TEX10: variants seen among roughly 807,000 people sequenced by gnomAD.
The protein encoded by TEX10 is testis expressed 10.
Under a neutral mutation model 104.4 loss-of-function variants are expected in TEX10, and 24 were observed. The observed-to-expected ratio is 0.23, with a 90% CI of 0.17 to 0.32. The LOEUF (loss-of-function observed/expected upper bound fraction) is 0.32. Ranked by LOEUF, TEX10 falls within the 10% of genes least tolerant of loss-of-function variation. The pLI is 1.00. For missense variants in TEX10, 921 were observed against 1,083.9 expected (o/e 0.85, Z 2.11); for synonymous variants, 396 against 393.4 (o/e 1.01, Z -0.08).
chr9:100,345,444 T>C (rs995698174), intron 4 of TEX10, among the ~76,000 whole-genome samples: 7 of 152,246 alleles, frequency 4.6e-5, no homozygotes, highest in Admixed American at 4.6e-4. Context: ...TCAAAAGTCC[T>C]TACAGCAATT....
chr9:100,343,317 A>G (rs1323677140), intron 4 of TEX10, among the ~76,000 whole-genome samples: 1 of 144,248 alleles, frequency 6.9e-6, no homozygotes, highest in Non-Finnish European at 1.5e-5. Context: ...TTAAAATAAA[A>G]AAGATAGGTA....
Position 100,349,278 on chromosome 9 carries a change from G to A in TEX10, c.86C>T (p.Thr29Ile), listed in dbSNP as rs1431251787. ...GKKKPKLQNA[T>I]PTNFKTKTIH... Reference sequence around the variant, plus strand: ...AGTCTTTGTTTTAAAGTTTGTAGGAGTAGCATTTTGTAACTTGGGCTTCTT... The same window carrying A: ...AGTCTTTGTTTTAAAGTTTGTAGGAATAGCATTTTGTAACTTGGGCTTCTT... Residue 29 changes from threonine to isoleucine, a missense_variant, in exon 2 of 15, where the codon ACT (threonine) becomes ATT (isoleucine). By Grantham distance (89) the Thr-to-Ile change is moderately conservative. Around this residue, in one of 3 missense-constraint regions of TEX10, gnomAD observed 118 missense variants for 111.3 expected, o/e 1.06. Coordinates refer to ENST00000374902, the MANE Select transcript of TEX10 (RefSeq NM_017746.4). 2.5e-6 allele frequency: 4 copies of A among 1,607,184 alleles called. No homozygotes were observed. In the South Asian group the frequency reaches 3.4e-5, roughly 14 times the overall value.
chr9:100,320,195 T>C (rs1588171111), intron 11 of TEX10, 70 bp downstream of exon 11: 2 of 1,422,526 alleles, frequency 1.4e-6, no homozygotes, highest in East Asian at 2.5e-5. Flanking sequence ...GCAACTCATA[T>C]ATAGTAACTA....
chr9:100,346,100 G>A lies in TEX10; in HGVS notation c.1109C>T (p.Ser370Phe), dbSNP rs780548128. The change falls in exon 4 of 15, where the codon TCT becomes TTT. Residue 370 changes from serine to phenylalanine, a missense_variant. By Grantham distance (155) the Ser-to-Phe change is radical (BLOSUM62 -2). Coordinates refer to ENST00000374902, the MANE Select transcript of TEX10 (RefSeq NM_017746.4). Reference protein sequence around the residue: ...LNIISLLWKLSKQQDETHKLE... With the variant: ...LNIISLLWKLFKQQDETHKLE... ...TTTATGGGTTTCATCCTGTTGTTTA[G>A]AGAGTTTCCACAGAAGGGAAATAAT... 9.3e-6 allele frequency: 15 copies of A among 1,613,790 alleles called. No homozygotes were observed. The highest frequency in any genetic ancestry group is 1.3e-5 in the Non-Finnish European group (15 of 1,179,842).
intron 11 of TEX10, among the ~76,000 whole-genome samples, chr9:100,315,099 C>T (rs989244429): frequency 4.6e-5 from 7 of 151,988 alleles, no homozygotes; most frequent in Admixed American, 3.3e-4. Context: ...TATTTTATTC[C>T]ACTGTGGTCT....
intron 2 of TEX10, 53 bp downstream of exon 2, chr9:100,349,131 C>G (rs1835375436): frequency 7.0e-7 from 1 of 1,433,206 alleles, no homozygotes; most frequent in African/African-American, 1.4e-5. Context: ...ATATAACATT[C>G]TACACGATTC....
chr9:100,302,650 G>C (rs1273614530), intron 14 of TEX10, among the ~76,000 whole-genome samples: 1 of 152,144 alleles, frequency 6.6e-6, no homozygotes, highest in Admixed American at 6.5e-5. Context: ...TGCCAACTGA[G>C]AATAACTCTA....
At position 100,339,275 on chromosome 9, in the gene TEX10, GTATA is replaced by G. The variant is rs1281859664; in HGVS notation, c.1250+978_1250+981del. On this transcript the variant is annotated intron_variant, in intron 5 of 14. Transcript: ENST00000374902. ...AAAAAAAAAAAAAAAAAAAAAAAAA[GTATA>G]TATATATATATACATATATATATAC... is the stretch of plus-strand genomic sequence containing the variant. Among the ~76,000 whole-genome samples the G allele has an allele frequency of 1.2e-4, 9 of 72,814 alleles. No homozygotes were observed. The South Asian group carries it at 3.6e-3, about 29-fold the overall frequency. The allele number at this position is 72,814 out of a possible 152,430, so 47.8% of individuals were successfully genotyped here. A position where few individuals can be genotyped will look rare whatever the true frequency, so the allele number is the denominator to read the frequency against.
chr9:100,352,237 C>G (rs1315622035), intron 1 of TEX10, among the ~76,000 whole-genome samples: 1 of 152,184 alleles, frequency 6.6e-6, no homozygotes, highest in Non-Finnish European at 1.5e-5. Flanking sequence ...CACTGAGGGG[C>G]CAACCAGAGG....
chr9:100,306,020 G>C (rs1437757084), intron 13 of TEX10: 1 of 152,004 alleles, frequency 6.6e-6, no homozygotes, highest in African/African-American at 2.4e-5. Flanking sequence ...GAACTAACAA[G>C]AACTTTAAAG....
chr9:100,349,137 G>A (rs774621029), intron 2 of TEX10, 47 bp downstream of exon 2: 5 of 1,455,806 alleles, frequency 3.4e-6, no homozygotes, highest in Admixed American at 2.6e-5. Context: ...CATTCTACAC[G>A]ATTCCAAAGA....
intron 9 of TEX10, among the ~76,000 whole-genome samples, chr9:100,324,126 G>T (rs973974729): frequency 3.9e-5 from 6 of 152,076 alleles, no homozygotes; most frequent in Admixed American, 6.6e-5. Context: ...TCCGCCTCCT[G>T]GGTTCAAGCA....
intron 4 of TEX10, among the ~76,000 whole-genome samples, chr9:100,344,491 G>A (rs2118927844): frequency 1.4e-5 from 2 of 142,552 alleles, no homozygotes; most frequent in East Asian, 2.4e-4. Flanking sequence ...AAGTTTACTA[G>A]TGCTTATATG....
intron 5 of TEX10, 146 bp downstream of exon 5, chr9:100,340,111 T>C: frequency 2.3e-6 from 1 of 427,826 alleles, no homozygotes; most frequent in Non-Finnish European, 4.2e-6. Flanking sequence ...TGTCCAAAAA[T>C]CAGCCATATT....
intron 14 of TEX10, 89 bp downstream of exon 14, chr9:100,303,543 C>T: frequency 7.2e-7 from 1 of 1,386,324 alleles, no homozygotes; most frequent in South Asian, 1.2e-5. Flanking sequence ...GGATCCCTTT[C>T]CTCCCTCAAA....
chr9:100,350,693 A>T (rs1312637801), intron 1 of TEX10, among the ~76,000 whole-genome samples: 2 of 152,230 alleles, frequency 1.3e-5, no homozygotes, highest in African/African-American at 2.4e-5. Context: ...GTATAAAAAA[A>T]TGGGTAAAAC....
intron 4 of TEX10, 100 bp from the exon 5 acceptor site, chr9:100,340,469 C>T: frequency 1.5e-6 from 1 of 682,244 alleles, no homozygotes; most frequent in South Asian, 2.0e-5. Flanking sequence ...AATGTCCCAT[C>T]ATAATTCACT....
intron 12 of TEX10, 111 bp downstream of exon 12, chr9:100,310,188 T>C: frequency 1.1e-5 from 9 of 842,910 alleles, no homozygotes; most frequent in Non-Finnish European, 1.3e-5. Context: ...GAGACTATGA[T>C]ATCATTAATC....
intron 11 of TEX10, among the ~76,000 whole-genome samples, chr9:100,311,284 A>C (rs1834275086): frequency 6.6e-6 from 1 of 151,866 alleles, no homozygotes; most frequent in Non-Finnish European, 1.5e-5. Flanking sequence ...GGTACCAGCT[A>C]CTCAGGAGGT....
Sources: allele counts gnomAD v4.1 joint callset (sites outside exome capture counted in the v4.1 genomes callset), GRCh38; gene constraint gnomAD v4.1.1; regional missense constraint gnomAD v4.1.1; transcripts MANE v1.5; gene names NCBI Gene and HGNC (gene_info 2026-07-23, HGNC 2026-07-21).